RNF213: variants seen among roughly 807,000 people sequenced by gnomAD.
RNF213 encodes the protein E3 ubiquitin-protein ligase RNF213.
Under a neutral mutation model 514.4 loss-of-function variants are expected in RNF213, and 341 were observed. The observed-to-expected ratio is 0.66, with a 90% CI of 0.61 to 0.73. The LOEUF (loss-of-function observed/expected upper bound fraction) is 0.73, where lower values mean the gene tolerates loss of function less well. Ranked by LOEUF, RNF213 falls within the 30% of genes least tolerant of loss-of-function variation. RNF213 has a pLI of 0.00. For missense variants in RNF213, 5,767 were observed against 6,615.6 expected (o/e 0.87, Z 4.45); for synonymous variants, 2,655 against 2,658.2 (o/e 1.00, Z 0.04).
At chr17:80,313,443 TG>T (rs1445857871) in intron 15 of RNF213, among the ~76,000 whole-genome samples, 3 of 12,280 alleles carry the variant, frequency 2.4e-4, no homozygotes, top group Non-Finnish European at 5.5e-4. Context: ...TGGTGATGGT[TG>T]GTGGTGGTGG....
intron 56 of RNF213, chr17:80,381,243 A>G (rs2079988559): frequency 3.3e-6 from 2 of 602,132 alleles, no homozygotes; most frequent in Non-Finnish European, 5.9e-6. Flanking sequence ...CTGGGAGTAG[A>G]GAGGCTGACA....
chr17:80,304,099 A>G (rs1303774579), intron 11 of RNF213, among the ~76,000 whole-genome samples: 1 of 151,996 alleles, frequency 6.6e-6, no homozygotes, highest in Non-Finnish European at 1.5e-5. Context: ...ATCTTTAAAT[A>G]TCTTGAAAAG....
In RNF213 at chr17:80,346,093, T is replaced by C. The variant is rs753043738; in HGVS notation, c.7758T>C (p.Ser2586=). The C allele has an allele frequency of 2.5e-6, 4 of 1,614,058 alleles. No individual in the cohort carries two copies. The East Asian group carries it at 6.7e-5, about 27-fold the overall frequency. The change falls in exon 29 of 68, where the codon AGT becomes AGC. Residue 2586 remains serine (S), a synonymous_variant. Coordinates refer to ENST00000582970, the MANE Select transcript of RNF213 (RefSeq NM_001256071.3). The surrounding 1 kb of genome is among the most constrained non-coding windows in gnomAD (Gnocchi z 8.1). ...IPLVWDFGQL[S]DVAEKLYIQQ... ...TGGTGTGGGACTTTGGACAACTGAG[T>C]GACGTTGCTGAAAAGCTCTACATCC...
At chr17:80,311,804 C>T (rs574388349) in intron 14 of RNF213, among the ~76,000 whole-genome samples, 3 of 152,162 alleles carry the variant, frequency 2.0e-5, no homozygotes, top group Admixed American at 1.3e-4. Context: ...GACACTTGCA[C>T]GATGTGCGGG....
intron 67 of RNF213, 33 bp from the exon 68 acceptor site, chr17:80,393,312 C>CT (rs772205057): frequency 2.5e-6 from 4 of 1,609,248 alleles, no homozygotes; most frequent in East Asian, 4.5e-5. Flanking sequence ...GCTGAGGAGA[C>CT]TGTTTTAAAT....
Position 80,347,379 on chromosome 17 carries a change from T to C in RNF213, c.9044T>C (p.Met3015Thr). ...AAGTGCTCAGAGGAAGTCAGCCCCA[T>C]GCAGCTGATCAAACAGAACATCTTT... Reference protein sequence around the residue: ...EAKCSEEVSPMQLIKQNIFGP... With the variant: ...EAKCSEEVSPTQLIKQNIFGP... The change falls in exon 29 of 68, where the codon ATG becomes ACG. Residue 3015 changes from methionine (M) to threonine (T), a missense_variant. By Grantham distance (81) the Met-to-Thr change is moderately conservative. Transcript: ENST00000582970. The surrounding 1 kb of genome is among the most constrained non-coding windows in gnomAD (Gnocchi z 7.2). 6.2e-7 allele frequency: 1 copy of C among 1,613,938 alleles called. No homozygotes were observed. The highest frequency in any genetic ancestry group is 8.5e-7 in the Non-Finnish European group (1 of 1,180,038).
In RNF213 at chr17:80,351,299, A is replaced by G. The variant is rs2078502561; in HGVS notation, c.10185-386A>G. On this transcript the variant is annotated intron_variant, in intron 31 of 67. Coordinates refer to ENST00000582970, the MANE Select transcript of RNF213 (RefSeq NM_001256071.3). ...GGAGTTTGAGACCAGGCTGGGCAACACAGCAAGACCCCCATCGCTTAAGAG... is the reference window on the plus strand; with the variant it reads ...GGAGTTTGAGACCAGGCTGGGCAACGCAGCAAGACCCCCATCGCTTAAGAG... 2.0e-5 allele frequency among the ~76,000 whole-genome samples: 3 copies of G among 152,360 alleles called. No individual in the cohort carries two copies. In the South Asian group the frequency reaches 6.2e-4, roughly 32 times the overall value.
chr17:80,268,384 G>A (rs563438759), intron 2 of RNF213, among the ~76,000 whole-genome samples: 341 of 137,302 alleles, frequency 2.5e-3, no homozygotes, highest in Middle Eastern at 3.9e-3. Flanking sequence ...AAAAAAGGCA[G>A]TACTGCATCC....
At position 80,376,544 on chromosome 17, in the gene RNF213, G is replaced by T. The variant is rs762348670; in HGVS notation, c.13428+1G>T. 6.2e-7 allele frequency: 1 copy of T among 1,613,984 alleles called. No homozygotes were observed. The highest frequency in any genetic ancestry group is 8.5e-7 in the Non-Finnish European group (1 of 1,180,022). On this transcript the variant is annotated splice_donor_variant, in intron 52 of 67. Coordinates refer to ENST00000582970, the MANE Select transcript of RNF213 (RefSeq NM_001256071.3). LOFTEE classifies it high-confidence loss of function. ...GGCCTTCTCCCCAGCCACCATGGCG[G>T]TAAGAGTAGGCCACAATTCCATCGG...
At chr17:80,325,701 T>C (rs1240408123) in intron 18 of RNF213, among the ~76,000 whole-genome samples, 3 of 151,394 alleles carry the variant, frequency 2.0e-5, no homozygotes, top group Non-Finnish European at 4.4e-5. Context: ...GCCCCAGGTG[T>C]TTTGTGGTCA....
chr17:80,313,240 G>A lies in RNF213; in HGVS notation c.2811+73G>A, dbSNP rs1465180718. 5.7e-6 allele frequency: 9 copies of A among 1,589,188 alleles called. No homozygotes were observed. The East Asian group carries it at 1.8e-4, about 32-fold the overall frequency. Reference sequence around the variant, plus strand: ...ATTCCTCATGGCCTCAAATCATGGGGTACAGGCTGCTGGCCAGGGGCAGTT... The same window carrying A: ...ATTCCTCATGGCCTCAAATCATGGGATACAGGCTGCTGGCCAGGGGCAGTT... On this transcript the variant is annotated intron_variant, in intron 15 of 67. Coordinates refer to ENST00000582970, the MANE Select transcript of RNF213 (RefSeq NM_001256071.3).
In RNF213 at chr17:80,263,126, G is replaced by A. The variant is rs1443788167; in HGVS notation, c.-108-448G>A. 1.3e-5 allele frequency among the ~76,000 whole-genome samples: 2 copies of A among 152,234 alleles called. No individual in the cohort carries two copies. The highest frequency in any genetic ancestry group is 4.8e-5 in the African/African-American group (2 of 41,454). ...ATCCACCGCAGAGGCTGTTCTGAGG[G>A]CAGGTGGTCAGTGCAGAGTGGCGCG... On this transcript the variant is annotated intron_variant, in intron 1 of 67. Coordinates refer to ENST00000582970, the MANE Select transcript of RNF213 (RefSeq NM_001256071.3). The surrounding 1 kb of genome is among the most constrained non-coding windows in gnomAD (Gnocchi z 4.9).
At position 80,317,657 on chromosome 17, in the gene RNF213, A is replaced by C. The variant is rs1331043931; in HGVS notation, c.2901+380A>C. ...AGCTGCTTTGGGAGCTGGCAGGAGC[A>C]AGCTCCGTGCAGGCCCTGCAGCAGT... is the stretch of plus-strand genomic sequence containing the variant. On this transcript the variant is annotated intron_variant, in intron 16 of 67. Coordinates refer to ENST00000582970, the MANE Select transcript of RNF213 (RefSeq NM_001256071.3). This position sits in a 1 kb window ranked among gnomAD's most constrained non-coding sequence, Gnocchi z 4.1. Among the ~76,000 whole-genome samples, 1 of 152,154 alleles carries C rather than the reference A, an allele frequency of 6.6e-6. No individual in the cohort carries two copies. The highest frequency in any genetic ancestry group is 2.4e-5 in the African/African-American group (1 of 41,430).
At chr17:80,301,004 A>G (rs2045158164) in intron 11 of RNF213, among the ~76,000 whole-genome samples, 1 of 151,060 alleles carries the variant, frequency 6.6e-6, no homozygotes, top group Non-Finnish European at 1.5e-5. Context: ...TTTTTCTTGT[A>G]AATTTGTGTA....
rs2044563173 is a variant in RNF213 at position 80,288,623 on chromosome 17, G to C, written c.811-10G>C. 3 of 1,614,150 alleles carry C rather than the reference G, an allele frequency of 1.9e-6. No individual in the cohort carries two copies. On this transcript the variant is annotated splice_polypyrimidine_tract_variant and intron_variant, in intron 4 of 67. Coordinates refer to ENST00000582970, the MANE Select transcript of RNF213 (RefSeq NM_001256071.3). The surrounding 1 kb of genome is among the most constrained non-coding windows in gnomAD (Gnocchi z 4.9). Reference sequence around the variant, plus strand: ...TTGTCACCTTGGCTCTGGTGTTTGGGGTCTTTCAGGCAGTTGATGCTGTAG... The same window carrying C: ...TTGTCACCTTGGCTCTGGTGTTTGGCGTCTTTCAGGCAGTTGATGCTGTAG...
chr17:80,383,244 C>A (rs1568165647), intron 58 of RNF213, among the ~76,000 whole-genome samples, 174 bp downstream of exon 58: 1 of 152,200 alleles, frequency 6.6e-6, no homozygotes, highest in Non-Finnish European at 1.5e-5. Context: ...CCTCCTGTCC[C>A]CAAGTGCTCT....
At chr17:80,336,776 C>G (rs538614106) in intron 23 of RNF213, 1 of 345,492 alleles carries the variant, frequency 2.9e-6, no homozygotes, top group Non-Finnish European at 5.6e-6. Flanking sequence ...TGGTGGTGTG[C>G]GCCTGTAATC....
chr17:80,364,904 A>G lies in RNF213; in HGVS notation c.11871+351A>G, dbSNP rs544708134. On this transcript the variant is annotated intron_variant, in intron 42 of 67. Transcript: ENST00000582970. ...GACCACTAGCCTGGCCATCTGTGGA[A>G]GCTGTTACCATTTTCATAGTCATGG... 5 of 338,032 alleles carry G rather than the reference A, an allele frequency of 1.5e-5. No individual in the cohort carries two copies. The East Asian group carries it at 3.1e-4, about 21-fold the overall frequency. The allele number at this position is 338,032 out of a possible 1,614,324, so 20.9% of individuals were successfully genotyped here.
chr17:80,369,556 A>G lies in RNF213; in HGVS notation c.12210A>G (p.Val4070=). 6.2e-7 allele frequency: 1 copy of G among 1,614,230 alleles called. No individual in the cohort carries two copies. Among genetic ancestry groups the G allele is most frequent in the Non-Finnish European group, 8.5e-7 (1 of 1,180,028 alleles). ...RFRQMCNSFF[V]DLVSTICFKD... ...GGCAGATGTGCAACAGTTTCTTCGT[A>G]GACCTGGTGTCCACCATTTGCTTCA... is the stretch of plus-strand genomic sequence containing the variant. The change falls in exon 45 of 68, where the codon GTA becomes GTG. Residue 4070 remains valine (V), a synonymous_variant. Transcript: ENST00000582970.
Sources: allele counts gnomAD v4.1 joint callset (sites outside exome capture counted in the v4.1 genomes callset), GRCh38; gene constraint gnomAD v4.1.1; non-coding constraint Gnocchi (gnomAD v3.1); transcripts MANE v1.5; gene names NCBI Gene and HGNC (gene_info 2026-07-23, HGNC 2026-07-21).